PTPN3: variants seen among roughly 807,000 people sequenced by gnomAD.
PTPN3 encodes the protein protein tyrosine phosphatase non-receptor type 3, also known as tyrosine-protein phosphatase non-receptor type 3.
A neutral mutation model predicts 132.7 loss-of-function variants in PTPN3; 96 were observed. That is an observed-to-expected ratio of 0.72 (90% confidence interval 0.61 to 0.86). The LOEUF (loss-of-function observed/expected upper bound fraction) is 0.86, where lower values mean the gene tolerates loss of function less well. PTPN3 is among the 40% of genes least tolerant of loss of function. The probability of loss-of-function intolerance (pLI) is 0.00; values close to 1 mark genes in which losing one functional copy is unlikely to be tolerated. For synonymous variants in PTPN3, 398 were observed against 429.0 expected, an observed-to-expected ratio of 0.93 and a Z score of 0.89; for missense variants, 1,125 against 1,159.6, an observed-to-expected ratio of 0.97 and a Z score of 0.43.
chr9:109,495,827 T>C (rs114677023), intron 1 of PTPN3, among the ~76,000 whole-genome samples: 2,044 of 152,304 alleles, frequency 0.013, 40 homozygotes, highest in African/African-American at 0.047. Flanking sequence ...ACTGATGATA[T>C]GGTAAGGGAT....
intron 22 of PTPN3, among the ~76,000 whole-genome samples, chr9:109,385,378 G>A (rs1161455000): frequency 1.3e-5 from 2 of 152,192 alleles, no homozygotes; most frequent in Non-Finnish European, 2.9e-5. Context: ...AGCGAGGGGC[G>A]ATGATTCTGA....
At chr9:109,428,342 A>G (rs887090954) in intron 11 of PTPN3, among the ~76,000 whole-genome samples, 5 of 152,196 alleles carry the variant, frequency 3.3e-5, no homozygotes, top group African/African-American at 9.7e-5. Context: ...TTATACAGAC[A>G]ATCACTGGAT....
At chr9:109,417,068 T>C (rs1201653354) in intron 14 of PTPN3, among the ~76,000 whole-genome samples, 1 of 152,160 alleles carries the variant, frequency 6.6e-6, no homozygotes, top group African/African-American at 2.4e-5. Context: ...GAAACTTACT[T>C]CTCTGCAGAA....
chr9:109,478,550 G>A (rs1037653872), intron 1 of PTPN3, among the ~76,000 whole-genome samples: 6 of 152,188 alleles, frequency 3.9e-5, no homozygotes, highest in African/African-American at 9.7e-5. Context: ...TGGGGGTCCC[G>A]AAGAGCCCTG....
intron 12 of PTPN3, 104 bp downstream of exon 12, chr9:109,426,846 G>T: frequency 7.7e-7 from 1 of 1,295,682 alleles, no homozygotes; most frequent in Non-Finnish European, 1.1e-6. Flanking sequence ...GAGCCCCTGG[G>T]CTATGGGTTT....
the PTPN3 span, among the ~76,000 whole-genome samples, chr9:109,514,278 T>C: frequency 1.3e-5 from 2 of 152,148 alleles, no homozygotes; most frequent in South Asian, 4.1e-4. Flanking sequence ...TATTAAGGCA[T>C]GGATTTGAAT....
At chr9:109,459,626 T>G (rs1845740795) in intron 2 of PTPN3, among the ~76,000 whole-genome samples, 1 of 152,144 alleles carries the variant, frequency 6.6e-6, no homozygotes, top group South Asian at 2.1e-4. Context: ...ATTAGCTCAC[T>G]GTAACCTCAA....
intron 1 of PTPN3, among the ~76,000 whole-genome samples, chr9:109,485,578 A>G (rs1483210458): frequency 6.6e-6 from 1 of 152,220 alleles, no homozygotes; most frequent in African/African-American, 2.4e-5. Flanking sequence ...TCCAGCCCCC[A>G]GATCCTCGCC....
intron 23 of PTPN3, among the ~76,000 whole-genome samples, chr9:109,383,046 G>A (rs1264344817): frequency 6.6e-6 from 1 of 152,138 alleles, no homozygotes; most frequent in Non-Finnish European, 1.5e-5. Flanking sequence ...CACAGAAGTT[G>A]AATCCTACAG....
intron 19 of PTPN3, among the ~76,000 whole-genome samples, chr9:109,393,849 T>C (rs1252345984): frequency 6.6e-6 from 1 of 152,224 alleles, no homozygotes. Context: ...GTTTTTTCTC[T>C]TACTAAATAA....
chr9:109,527,970 A>C, the PTPN3 span, among the ~76,000 whole-genome samples: 3 of 152,252 alleles, frequency 2.0e-5, no homozygotes, highest in African/African-American at 7.2e-5. Flanking sequence ...ATTACTTCAC[A>C]GAGGAGGACA....
chr9:109,535,698 G>A, the PTPN3 span, among the ~76,000 whole-genome samples: 1 of 151,872 alleles, frequency 6.6e-6, no homozygotes, highest in Non-Finnish European at 1.5e-5. Context: ...CTAGAGATAG[G>A]GTTTCACCAC....
chr9:109,413,325 T>A (rs1455419979), intron 14 of PTPN3, among the ~76,000 whole-genome samples: 1 of 152,104 alleles, frequency 6.6e-6, no homozygotes, highest in Non-Finnish European at 1.5e-5. Flanking sequence ...ATGGCTGATT[T>A]TTGGCCTGCT....
At chr9:109,407,593 G>GT (rs1841674881) in intron 17 of PTPN3, among the ~76,000 whole-genome samples, 1 of 152,094 alleles carries the variant, frequency 6.6e-6, no homozygotes, top group African/African-American at 2.4e-5. Context: ...CGCTCAGGCT[G>GT]GAGTACAGCG....
At chr9:109,523,490 G>C in the PTPN3 span, among the ~76,000 whole-genome samples, 9 of 127,884 alleles carry the variant, frequency 7.0e-5, no homozygotes, top group South Asian at 2.5e-4. Context: ...CTTTTCTTTC[G>C]TCTTCAGAGT....
intron 21 of PTPN3, 22 bp downstream of exon 21, chr9:109,391,116 A>G: frequency 6.2e-7 from 1 of 1,602,086 alleles, no homozygotes; most frequent in South Asian, 1.1e-5. Flanking sequence ...GCTCTTAAGC[A>G]TCATCCAGAT....
chr9:109,443,270 C>T (rs923087878), intron 7 of PTPN3, among the ~76,000 whole-genome samples: 2 of 151,912 alleles, frequency 1.3e-5, no homozygotes, highest in Admixed American at 1.3e-4. Context: ...AGAGATGGGG[C>T]TTCATAGTGT....
chr9:109,391,072 A>C, intron 21 of PTPN3, 66 bp downstream of exon 21: 1 of 1,436,172 alleles, frequency 7.0e-7, no homozygotes, highest in Non-Finnish European at 9.7e-7. Flanking sequence ...AGCCCCACAC[A>C]GGCCCTCATC....
At chr9:109,409,422 C>A (rs955518865) in intron 16 of PTPN3, among the ~76,000 whole-genome samples, 1 of 152,144 alleles carries the variant, frequency 6.6e-6, no homozygotes, top group Non-Finnish European at 1.5e-5. Context: ...ACTGACCTTA[C>A]CACTTGTTAT....
Sources: gnomAD v4.1 joint callset for allele counts (sites outside exome capture counted in the v4.1 genomes callset) on GRCh38, gnomAD v4.1.1 for gene constraint, MANE v1.5 for transcripts, NCBI Gene and HGNC (gene_info 2026-07-23, HGNC 2026-07-21) for gene names.